PLA2G5: variants seen among roughly 807,000 people sequenced by gnomAD.
PLA2G5 encodes the protein phospholipase A2 group V.
In PLA2G5, 12 loss-of-function variants were observed where a neutral mutation model predicts 15.9. The ratio of observed to expected loss-of-function variants is 0.76; its 90% CI spans 0.48 to 1.23. The LOEUF (loss-of-function observed/expected upper bound fraction) is 1.23. Ranked by LOEUF, PLA2G5 falls within the 50% of genes most tolerant of loss-of-function variation. The pLI, the probability that PLA2G5 is intolerant of heterozygous loss-of-function variation, is 0.00. For synonymous variants in PLA2G5, 71 were observed against 71.4 expected, an observed-to-expected ratio of 0.99 and a Z score of 0.03; for missense variants, 169 against 177.1, an observed-to-expected ratio of 0.95 and a Z score of 0.26.
intron 1 of PLA2G5, among the ~76,000 whole-genome samples, chr1:20,080,795 T>A (rs536092042): frequency 2.6e-5 from 4 of 151,702 alleles, no homozygotes; most frequent in East Asian, 3.9e-4. Flanking sequence ...GGAGAAAAGG[T>A]CTCACTGGTG....
chr1:20,070,162 G>A (rs933510464), upstream of PLA2G5: 9 of 983,506 alleles, frequency 9.2e-6, no homozygotes, highest in African/African-American at 5.2e-5. Flanking sequence ...CACAGGCCCT[G>A]ATTGTGCAGG....
At chr1:20,060,823 T>C (rs2014689715) in intron 2 of PLA2G5, among the ~76,000 whole-genome samples, 1 of 151,758 alleles carries the variant, frequency 6.6e-6, no homozygotes, top group African/African-American at 2.4e-5. Flanking sequence ...TTTCAAGCGA[T>C]TCTCCTGCCT....
At chr1:20,074,379 C>G (rs1049717794) in intron 1 of PLA2G5, among the ~76,000 whole-genome samples, 30 of 152,294 alleles carry the variant, frequency 2.0e-4, no homozygotes, top group African/African-American at 6.7e-4. Context: ...ATTGACAGCT[C>G]TCTCCATGTT....
intron 2 of PLA2G5, among the ~76,000 whole-genome samples, chr1:20,064,992 T>C (rs1381845716): frequency 1.3e-5 from 2 of 152,110 alleles, no homozygotes; most frequent in Non-Finnish European, 2.9e-5. Flanking sequence ...CACCAAAACA[T>C]GTCAAACACA....
chr1:20,081,388 A>G (rs2016014302), intron 1 of PLA2G5, among the ~76,000 whole-genome samples: 1 of 148,734 alleles, frequency 6.7e-6, no homozygotes, highest in Non-Finnish European at 1.5e-5. Flanking sequence ...CCAACAGATC[A>G]AGAAATGATT....
At chr1:20,070,062 A>T, upstream of PLA2G5, 1 of 313,232 alleles carries the variant, frequency 3.2e-6, no homozygotes, top group Non-Finnish European at 4.6e-6. Context: ...TGAAGTGGCT[A>T]AAGCCGTGAC....
chr1:20,058,050 G>T (rs2014524787), intron 1 of PLA2G5, among the ~76,000 whole-genome samples: 1 of 152,140 alleles, frequency 6.6e-6, no homozygotes, highest in Non-Finnish European at 1.5e-5. Context: ...ATGGAATGTG[G>T]TCTATCTTGG....
chr1:20,088,279 C>T (rs905454290), intron 3 of PLA2G5, among the ~76,000 whole-genome samples: 2 of 151,198 alleles, frequency 1.3e-5, no homozygotes, highest in African/African-American at 4.9e-5. Flanking sequence ...ATCACTTGAA[C>T]CTGGGAGGCA....
intron 1 of PLA2G5, among the ~76,000 whole-genome samples, chr1:20,059,416 C>CA (rs2014592566): frequency 6.6e-6 from 1 of 150,984 alleles, no homozygotes; most frequent in African/African-American, 2.4e-5. Context: ...GAGTGAGGTC[C>CA]TGTCTAAAAA....
At chr1:20,058,403 C>T (rs991962702) in intron 1 of PLA2G5, among the ~76,000 whole-genome samples, 1 of 152,168 alleles carries the variant, frequency 6.6e-6, no homozygotes, top group African/African-American at 2.4e-5. Context: ...GGATAATTTT[C>T]CTTACTCTGA....
intron 1 of PLA2G5, among the ~76,000 whole-genome samples, chr1:20,041,760 C>T (rs138325130): frequency 0.16 from 23,949 of 152,114 alleles, 2,110 homozygotes; most frequent in East Asian, 0.28. Context: ...AACCATTTGC[C>T]TTGTATGGGA....
intron 1 of PLA2G5, among the ~76,000 whole-genome samples, chr1:20,048,081 A>G (rs2014007046): frequency 1.3e-5 from 2 of 152,134 alleles, no homozygotes; most frequent in Admixed American, 6.6e-5. Flanking sequence ...ACATCTATCT[A>G]TTTATGTGTT....
At chr1:20,053,575 G>GC (rs1350381275) in intron 1 of PLA2G5, among the ~76,000 whole-genome samples, 1 of 143,006 alleles carries the variant, frequency 7.0e-6, no homozygotes, top group Non-Finnish European at 1.5e-5. Context: ...CTTTGCGGGG[G>GC]GGGGGGTGAT....
chr1:20,069,992 G>T (rs2015265869), upstream of PLA2G5, among the ~76,000 whole-genome samples: 1 of 152,134 alleles, frequency 6.6e-6, no homozygotes, highest in African/African-American at 2.4e-5. Context: ...CCTTAACAAG[G>T]TTCTGAGCCC....
At chr1:20,089,762 C>T (rs758937377) in intron 3 of PLA2G5, 27 bp from the exon 4 acceptor site, 7 of 1,594,342 alleles carry the variant, frequency 4.4e-6, no homozygotes, top group South Asian at 3.3e-5. Flanking sequence ...CCCTCCCACT[C>T]GGGATCTAAG....
rs2100658232 is a variant in PLA2G5, at chr1:20,091,615, A to G, written c.*923A>G. Reference sequence around the variant, plus strand: ...GAGAATGCTGAGGTTCTAGGATTTCACACAGCAGGAATTTTTTTTTAATAG... The same window carrying G: ...GAGAATGCTGAGGTTCTAGGATTTCGCACAGCAGGAATTTTTTTTTAATAG... On this transcript the variant is annotated 3_prime_UTR_variant, in exon 5 of 5. Transcript: ENST00000375108. 6.6e-6 allele frequency among the ~76,000 whole-genome samples: 1 copy of G among 152,290 alleles called. No individual in the cohort carries two copies. Among genetic ancestry groups the G allele is most frequent in the East Asian group, 1.9e-4 (1 of 5,184 alleles).
At chr1:20,055,972 T>A (rs1034921439) in intron 1 of PLA2G5, among the ~76,000 whole-genome samples, 1 of 152,068 alleles carries the variant, frequency 6.6e-6, no homozygotes, top group East Asian at 1.9e-4. Context: ...AGTTTAGGAG[T>A]TATCTGGGTA....
At chr1:20,036,779 C>A (rs1040170690) in intron 1 of PLA2G5, among the ~76,000 whole-genome samples, 4 of 152,170 alleles carry the variant, frequency 2.6e-5, no homozygotes, top group African/African-American at 4.8e-5. Context: ...GATTTTCCTG[C>A]CTCAGCCTCT....
chr1:20,045,440 ACTGT>A (rs1226094880), intron 1 of PLA2G5, among the ~76,000 whole-genome samples: 1 of 151,860 alleles, frequency 6.6e-6, no homozygotes, highest in Non-Finnish European at 1.5e-5. Context: ...TGAAGGGAAG[ACTGT>A]CTTCCCAAGT....
Sources: allele counts gnomAD v4.1 joint callset (sites outside exome capture counted in the v4.1 genomes callset), GRCh38; gene constraint gnomAD v4.1.1; transcripts MANE v1.5; gene names NCBI Gene and HGNC (gene_info 2026-07-23, HGNC 2026-07-21).